Variants in CRB1 observed in about 807,000 individuals in gnomAD.
The protein encoded by CRB1 is protein crumbs homolog 1.
In CRB1, 83 loss-of-function variants were observed where a neutral mutation model predicts 120.0. That is an observed-to-expected ratio of 0.69 (90% CI 0.58 to 0.83). The LOEUF (loss-of-function observed/expected upper bound fraction) is 0.83, where lower values mean the gene tolerates loss of function less well. CRB1 is among the 40% of genes least tolerant of loss of function. CRB1 has a pLI of 0.00. For synonymous variants in CRB1, 625 were observed against 612.5 expected (o/e 1.02, Z -0.30); for missense variants, 1,699 against 1,687.6 (o/e 1.01, Z -0.12).
At chr1:197,430,017 A>T (rs1049980496) in intron 8 of CRB1, among the ~76,000 whole-genome samples, 5 of 152,178 alleles carry the variant, frequency 3.3e-5, no homozygotes, top group Non-Finnish European at 7.4e-5. Flanking sequence ...CACCTGTAAA[A>T]TAGGGAGAAC....
At chr1:197,445,316 T>C (rs960122814) in intron 11 of CRB1, among the ~76,000 whole-genome samples, 4 of 152,228 alleles carry the variant, frequency 2.6e-5, no homozygotes, top group African/African-American at 9.6e-5. Context: ...CCATGCCTCC[T>C]TTTTTGTGTG....
At position 197,421,011 on chromosome 1, in the gene CRB1, G is replaced by A. The variant is rs369775002; in HGVS notation, c.1183G>A (p.Glu395Lys). Reference protein sequence around the residue: ...CQPGFTGIHCEEDVNECSSNP... With the variant: ...CQPGFTGIHCKEDVNECSSNP... ...TTATTATTTAACAGGAATCCACTGC[G>A]AAGAAGACGTCAATGAATGTTCTTC... Residue 395 changes from glutamate to lysine, a missense_variant, in exon 6 of 12, where the codon GAA becomes AAA. Coordinates refer to ENST00000367400, the MANE Select transcript of CRB1 (RefSeq NM_201253.3). 32 of 1,589,402 alleles carry A rather than the reference G, an allele frequency of 2.0e-5. No homozygotes were observed. The highest frequency in any genetic ancestry group is 4.4e-5 in the South Asian group (4 of 90,540).
At chr1:197,242,045 C>G in the CRB1 span, among the ~76,000 whole-genome samples, 4 of 152,062 alleles carry the variant, frequency 2.6e-5, no homozygotes, top group African/African-American at 9.7e-5. Context: ...ATTTTGTATC[C>G]TGAGACTTTG....
intron 5 of CRB1, among the ~76,000 whole-genome samples, chr1:197,401,777 A>G (rs1289767861): frequency 6.6e-6 from 1 of 152,120 alleles, no homozygotes; most frequent in Non-Finnish European, 1.5e-5. Context: ...TAGGCTATGC[A>G]CTTATCATAA....
chr1:197,477,785 A>T lies in CRB1; in HGVS notation c.4127A>T (p.Gln1376Leu). Residue 1376 changes from glutamine (Q) to leucine (L), a missense_variant, in exon 12 of 12, where the codon CAG becomes CTG. Transcript: ENST00000367400. ...GTCACCTCCAACAAAAGGGCAACTC[A>T]GGGAACCTACAGCCCCAGCCGTCAG... Reference protein sequence around the residue: ...SVVTSNKRATQGTYSPSRQEK... With the variant: ...SVVTSNKRATLGTYSPSRQEK... 6.2e-7 allele frequency: 1 copy of T among 1,613,922 alleles called. No homozygotes were observed. Among genetic ancestry groups the T allele is most frequent in the Non-Finnish European group, 8.5e-7 (1 of 1,179,898 alleles).
At chr1:197,469,756 C>T (rs887674511) in intron 11 of CRB1, among the ~76,000 whole-genome samples, 3 of 152,218 alleles carry the variant, frequency 2.0e-5, no homozygotes, top group African/African-American at 7.2e-5. Context: ...CAAATGATAG[C>T]TGGCTCCTGC....
At chr1:197,260,115 C>T in the CRB1 span, among the ~76,000 whole-genome samples, 1 of 151,662 alleles carries the variant, frequency 6.6e-6, no homozygotes, top group African/African-American at 2.4e-5. Flanking sequence ...TGCGCTACTG[C>T]CTGCACTCCA....
In CRB1 at chr1:197,440,895, G is replaced by A. The variant is rs763703763; in HGVS notation, c.3879-1271G>A. ...CCTGAGGGTTGTCAAGTTTTGCTCA[G>A]ATCTAATCAGAGAAGTCTCCCTCCA... On this transcript the variant is annotated intron_variant, in intron 10 of 11. Coordinates refer to ENST00000367400, the MANE Select transcript of CRB1 (RefSeq NM_201253.3). The A allele has an allele frequency of 3.9e-4, 59 of 152,386 alleles. 1 individual carries two copies. Among genetic ancestry groups the A allele is most frequent in the Non-Finnish European group, 6.5e-4 (44 of 68,110 alleles). 9.4% of individuals were successfully genotyped at this position (152,386 alleles called of 1,614,324 possible). A position where few individuals can be genotyped will look rare whatever the true frequency, so the allele number is the denominator to read the frequency against.
intron 1 of CRB1, among the ~76,000 whole-genome samples, chr1:197,280,133 C>A (rs935137751): frequency 2.0e-5 from 3 of 151,754 alleles, no homozygotes; most frequent in African/African-American, 7.3e-5. Context: ...TTGGAAATAC[C>A]AGCGTCACCA....
At chr1:197,362,984 T>G (rs1318312835) in intron 5 of CRB1, among the ~76,000 whole-genome samples, 1 of 152,170 alleles carries the variant, frequency 6.6e-6, no homozygotes, top group African/African-American at 2.4e-5. Flanking sequence ...TGACTATTTT[T>G]GGGATTTCAT....
chr1:197,366,873 T>C (rs565745419), intron 5 of CRB1, among the ~76,000 whole-genome samples: 26 of 152,248 alleles, frequency 1.7e-4, no homozygotes, highest in Non-Finnish European at 3.2e-4. Context: ...ACCATGCCTC[T>C]AGAGGCAGTA....
chr1:197,291,376 G>T (rs78594094), intron 1 of CRB1, among the ~76,000 whole-genome samples: 1 of 151,508 alleles, frequency 6.6e-6, no homozygotes, highest in Admixed American at 6.6e-5. Context: ...TAATTACATT[G>T]GGAAATTTAA....
At chr1:197,256,932 C>CCT in the CRB1 span, among the ~76,000 whole-genome samples, 4 of 141,400 alleles carry the variant, frequency 2.8e-5, no homozygotes, top group African/African-American at 7.9e-5. Flanking sequence ...ATAGGATTTG[C>CCT]GTGTGTGTGT....
the CRB1 span, among the ~76,000 whole-genome samples, chr1:197,256,680 A>G: frequency 5.9e-5 from 9 of 152,084 alleles, no homozygotes; most frequent in African/African-American, 2.2e-4. Flanking sequence ...AACAGCAGAA[A>G]ATTGATTTTT....
At chr1:197,454,668 T>C (rs1666192431) in intron 11 of CRB1, among the ~76,000 whole-genome samples, 1 of 152,198 alleles carries the variant, frequency 6.6e-6, no homozygotes, top group African/African-American at 2.4e-5. Flanking sequence ...AATAACTAGG[T>C]TGATGTTTGC....
intron 5 of CRB1, among the ~76,000 whole-genome samples, chr1:197,386,056 A>G (rs1662201154): frequency 6.6e-6 from 1 of 152,012 alleles, no homozygotes; most frequent in African/African-American, 2.4e-5. Context: ...TCTAGGGGCT[A>G]AAACCGACAT....
chr1:197,233,165 GA>G, the CRB1 span, among the ~76,000 whole-genome samples: 2 of 152,096 alleles, frequency 1.3e-5, no homozygotes, highest in Non-Finnish European at 2.9e-5. Context: ...TCCATGTCAA[GA>G]ATGGTAGAAA....
In CRB1 at chr1:197,435,580, C is replaced by T. The variant is rs370095562; in HGVS notation, c.3717C>T (p.Leu1239=). 4 of 1,613,186 alleles carry T rather than the reference C, an allele frequency of 2.5e-6. No individual in the cohort carries two copies. The highest frequency in any genetic ancestry group is 2.5e-6 in the Non-Finnish European group (3 of 1,179,572). ...CISHTNGYSC[L]CFGNFTGKFC... ...GTCATACTAATGGCTATTCTTGCCT[C>T]TGTTTTGGAAATTTTACAGGAAAAT... Residue 1239 remains leucine, a synonymous_variant, in exon 9 of 12, where the codon CTC becomes CTT. Coordinates refer to ENST00000367400, the MANE Select transcript of CRB1 (RefSeq NM_201253.3).
chr1:197,466,807 T>C (rs1666766683), intron 11 of CRB1, among the ~76,000 whole-genome samples: 1 of 152,092 alleles, frequency 6.6e-6, no homozygotes, highest in Non-Finnish European at 1.5e-5. Context: ...CTGAAGAAAG[T>C]TGGAAAGAAG....
Sources: allele counts gnomAD v4.1 joint callset (sites outside exome capture counted in the v4.1 genomes callset), GRCh38; gene constraint gnomAD v4.1.1; transcripts MANE v1.5; gene names NCBI Gene and HGNC (gene_info 2026-07-23, HGNC 2026-07-21).